CALN1: variants seen among roughly 807,000 people sequenced by gnomAD.
The protein encoded by CALN1 is calcium-binding protein 8.
In CALN1, 17 loss-of-function variants were observed where a neutral mutation model predicts 30.6. That is an observed-to-expected ratio of 0.56 (90% CI 0.38 to 0.83). The LOEUF (loss-of-function observed/expected upper bound fraction) is 0.83, where lower values mean the gene tolerates loss of function less well. Ranked by LOEUF, CALN1 falls within the 40% of genes least tolerant of loss-of-function variation. CALN1 has a pLI of 0.00. For missense variants in CALN1, 291 were observed against 354.9 expected (o/e 0.82, Z 1.45); for synonymous variants, 156 against 131.4 (o/e 1.19, Z -1.28).
At chr7:72,150,475 G>T (rs1253653095) in intron 3 of CALN1, among the ~76,000 whole-genome samples, 1 of 152,186 alleles carries the variant, frequency 6.6e-6, no homozygotes, top group Non-Finnish European at 1.5e-5. Flanking sequence ...AAAGCAGGCA[G>T]TGTGCTGAGA....
chr7:72,337,256 G>A lies in CALN1; in HGVS notation c.120-58446C>T, dbSNP rs1485199397. On this transcript the variant is annotated intron_variant, in intron 2 of 6. Coordinates refer to ENST00000395275, the MANE Select transcript of CALN1 (RefSeq NM_031468.4). ...CACACTCCTCGCTCTGCCGGCGCCC[G>A]CGTTCAGGAGCCGGGCTTCTGGGCT... The A allele has an allele frequency of 2.2e-5, 22 of 984,944 alleles. No homozygotes were observed. In the African/African-American group the frequency reaches 3.7e-4, roughly 16 times the overall value. The allele number at this position is 984,944 out of a possible 1,614,324, so 61.0% of individuals were successfully genotyped here.
chr7:72,155,064 A>T (rs1365352971), intron 3 of CALN1, among the ~76,000 whole-genome samples: 1 of 152,104 alleles, frequency 6.6e-6, no homozygotes, highest in Non-Finnish European at 1.5e-5. Flanking sequence ...CTCTAAAAAA[A>T]TAATGATAAT....
At chr7:71,813,150 T>C (rs1041132008) in intron 5 of CALN1, among the ~76,000 whole-genome samples, 31 of 151,474 alleles carry the variant, frequency 2.0e-4, no homozygotes, top group Non-Finnish European at 2.8e-4. Context: ...GGTCTGGCTA[T>C]GTTGCCTGCC....
intron 3 of CALN1, among the ~76,000 whole-genome samples, chr7:72,201,518 T>A (rs1326832247): frequency 1.3e-5 from 2 of 150,860 alleles, no homozygotes; most frequent in Non-Finnish European, 2.9e-5. Context: ...TTGAACCTGG[T>A]AGGCAAAGGC....
Position 71,785,215 on chromosome 7 carries a change from T to G in CALN1, c.*2560A>C. ...CAGTCTGCAGAGGAATGCATTCTCC[T>G]AGATTTTCCCCTGGGGAGGGTGGGC... On this transcript the variant is annotated 3_prime_UTR_variant, in exon 7 of 7. Transcript: ENST00000395275. 4.9e-6 allele frequency: 1 copy of G among 205,028 alleles called. No individual in the cohort carries two copies. Among genetic ancestry groups the G allele is most frequent in the Non-Finnish European group, 9.7e-6 (1 of 102,924 alleles). 12.7% of individuals were successfully genotyped at this position (205,028 alleles called of 1,614,324 possible).
chr7:71,859,030 AT>A (rs61004166), intron 5 of CALN1, among the ~76,000 whole-genome samples: 2,729 of 151,644 alleles, frequency 0.018, 55 homozygotes, highest in African/African-American at 0.063. Flanking sequence ...CTGGGTAATC[AT>A]TTTTCTTTTT....
chr7:72,427,269 C>T (rs1807827790), intron 1 of CALN1, among the ~76,000 whole-genome samples: 1 of 152,178 alleles, frequency 6.6e-6, no homozygotes, highest in Non-Finnish European at 1.5e-5. Flanking sequence ...AGCCACCTCA[C>T]CCAGCCACTA....
the CALN1 span, among the ~76,000 whole-genome samples, chr7:72,474,142 A>T: frequency 9.9e-5 from 15 of 152,270 alleles, no homozygotes; most frequent in East Asian, 2.7e-3. Flanking sequence ...CACCGGGAAA[A>T]CATTCATCAA....
intron 5 of CALN1, among the ~76,000 whole-genome samples, chr7:72,012,296 T>A (rs975043598): frequency 3.3e-5 from 5 of 152,158 alleles, no homozygotes; most frequent in Non-Finnish European, 7.3e-5. Flanking sequence ...GGCAGGCGGA[T>A]CATGAGGTCC....
intron 3 of CALN1, among the ~76,000 whole-genome samples, chr7:72,183,287 A>G (rs1789946525): frequency 1.3e-5 from 2 of 152,288 alleles, no homozygotes; most frequent in South Asian, 2.1e-4. Context: ...CTGGAAATCT[A>G]TGTTTTTTAA....
At chr7:72,431,908 T>A (rs1388667634) in intron 1 of CALN1, among the ~76,000 whole-genome samples, 1 of 151,110 alleles carries the variant, frequency 6.6e-6, no homozygotes, top group African/African-American at 2.4e-5. Context: ...TCTACCTCCC[T>A]AACCACCTCC....
intron 5 of CALN1, among the ~76,000 whole-genome samples, chr7:71,938,191 T>G (rs1235316749): frequency 2.0e-5 from 3 of 152,202 alleles, no homozygotes; most frequent in Non-Finnish European, 4.4e-5. Context: ...AGCCATCATT[T>G]CCAGATAGGG....
intron 3 of CALN1, among the ~76,000 whole-genome samples, chr7:72,221,157 C>T (rs139800059): frequency 8.6e-5 from 13 of 151,878 alleles, no homozygotes; most frequent in African/African-American, 2.7e-4. Flanking sequence ...ATGATGTTGG[C>T]GAAAGGGTGG....
At chr7:72,419,883 T>TC (rs1421878600) in intron 1 of CALN1, among the ~76,000 whole-genome samples, 1 of 151,908 alleles carries the variant, frequency 6.6e-6, no homozygotes, top group Non-Finnish European at 1.5e-5. Flanking sequence ...GATCACCTTC[T>TC]CCCCACACCA....
intron 3 of CALN1, among the ~76,000 whole-genome samples, chr7:72,124,720 A>G (rs903974025): frequency 2.0e-5 from 3 of 151,418 alleles, no homozygotes; most frequent in Non-Finnish European, 2.9e-5. Context: ...GCAGATTGAC[A>G]TATCAAAAAA....
chr7:71,780,667 C>G lies in CALN1; in HGVS notation c.*7108G>C, dbSNP rs1792668210. On this transcript the variant is annotated 3_prime_UTR_variant, in exon 7 of 7. Coordinates refer to ENST00000395275, the MANE Select transcript of CALN1 (RefSeq NM_031468.4). ...AGGAATAATTACAAGCTACTATCAA[C>G]ATATACTGGAAGTGCTGTTATAGTG... 1 of 151,250 alleles carries G rather than the reference C, an allele frequency of 6.6e-6. No individual in the cohort carries two copies. The allele number at this position is 151,250 out of a possible 1,614,324, so 9.4% of individuals were successfully genotyped here.
chr7:71,960,178 T>TAAATAAATA (rs962547868), intron 5 of CALN1, among the ~76,000 whole-genome samples: 34 of 77,988 alleles, frequency 4.4e-4, no homozygotes, highest in African/African-American at 1.3e-3. Context: ...AATAAATAAA[T>TAAATAAATA]AAATAAAATA....
intron 3 of CALN1, among the ~76,000 whole-genome samples, chr7:72,116,844 T>A (rs1808019843): frequency 6.6e-6 from 1 of 152,186 alleles, no homozygotes; most frequent in African/African-American, 2.4e-5. Context: ...ATGGCTCAGG[T>A]ACAGTCTCAA....
chr7:71,810,896 C>CTTTTTTT (rs71092916), intron 5 of CALN1, among the ~76,000 whole-genome samples: 1 of 139,196 alleles, frequency 7.2e-6, no homozygotes, highest in Non-Finnish European at 1.6e-5. Flanking sequence ...AAGCATGTAT[C>CTTTTTTT]TTTTTTTTTT....
Sources: gnomAD v4.1 joint callset for allele counts (sites outside exome capture counted in the v4.1 genomes callset) on GRCh38, gnomAD v4.1.1 for gene constraint, MANE v1.5 for transcripts, NCBI Gene and HGNC (gene_info 2026-07-23, HGNC 2026-07-21) for gene names.